The following ABLIM1 variants were observed in gnomAD, a reference collection of about 807,000 sequenced individuals.
The protein encoded by ABLIM1 is actin binding LIM protein 1.
A neutral mutation model predicts 107.0 loss-of-function variants in ABLIM1; 40 were observed. The ratio of observed to expected loss-of-function variants is 0.37; its 90% confidence interval spans 0.29 to 0.49. The LOEUF is 0.49. Ranked by LOEUF, ABLIM1 falls within the 20% of genes least tolerant of loss-of-function variation. The probability of loss-of-function intolerance (pLI) is 0.97; values close to 1 mark genes in which losing one functional copy is unlikely to be tolerated. For missense variants in ABLIM1, 857 were observed against 1,008.5 expected, an observed-to-expected ratio of 0.85 and a Z score of 2.04; for synonymous variants, 357 against 357.3, an observed-to-expected ratio of 1.00 and a Z score of 0.01.
At chr10:114,461,705 G>A (rs1195794153) in intron 12 of ABLIM1, among the ~76,000 whole-genome samples, 1 of 152,028 alleles carries the variant, frequency 6.6e-6, no homozygotes. Context: ...TGTAATCCCA[G>A]CTACTCAGGA....
chr10:114,720,943 A>G (rs2081830877), intron 1 of ABLIM1, among the ~76,000 whole-genome samples: 1 of 152,194 alleles, frequency 6.6e-6, no homozygotes, highest in Non-Finnish European at 1.5e-5. Context: ...GTGGCTTAGA[A>G]CCAAACCCAG....
At chr10:114,790,783 C>T in the ABLIM1 span, among the ~76,000 whole-genome samples, 1 of 152,246 alleles carries the variant, frequency 6.6e-6, no homozygotes, top group Admixed American at 6.5e-5. Flanking sequence ...AATGGACCTA[C>T]TAAATAATAA....
intron 6 of ABLIM1, among the ~76,000 whole-genome samples, chr10:114,541,486 G>A (rs1405421657): frequency 4.0e-5 from 6 of 151,866 alleles, no homozygotes; most frequent in South Asian, 4.2e-4. Context: ...GAGGCCGAGG[G>A]AGGAGTGTGT....
intron 11 of ABLIM1, 79 bp downstream of exon 11, chr10:114,468,102 T>C: frequency 2.3e-6 from 3 of 1,317,006 alleles, no homozygotes; most frequent in Non-Finnish European, 3.3e-6. Context: ...ATGTTCTTTT[T>C]CAAAAATCCC....
At chr10:114,783,259 G>C in the ABLIM1 span, among the ~76,000 whole-genome samples, 1 of 151,782 alleles carries the variant, frequency 6.6e-6, no homozygotes, top group African/African-American at 2.4e-5. Flanking sequence ...GGGCAACAGA[G>C]TGAGACTCCG....
chr10:114,682,335 T>C lies in ABLIM1; in HGVS notation c.64+1955A>G, dbSNP rs557224175. Among the ~76,000 whole-genome samples, 17 of 152,322 alleles carry C rather than the reference T, an allele frequency of 1.1e-4. No individual in the cohort carries two copies. The East Asian group carries it at 2.7e-3, about 24-fold the overall frequency. Reference sequence around the variant, plus strand: ...CTGTGCCAGGAGAGAAAGGACAGGATGATCTTCTCTTACTAAAGAGAGATG... The same window carrying C: ...CTGTGCCAGGAGAGAAAGGACAGGACGATCTTCTCTTACTAAAGAGAGATG... On this transcript the variant is annotated intron_variant, in intron 1 of 23. Coordinates refer to the ABLIM1 transcript ENST00000369256.
intron 1 of ABLIM1, among the ~76,000 whole-genome samples, chr10:114,637,035 TAAAAAA>T (rs3061732): frequency 9.5e-4 from 99 of 104,020 alleles, no homozygotes; most frequent in Non-Finnish European, 1.8e-3. Flanking sequence ...GCTGTCTCTT[TAAAAAA>T]AAAAAAAAAA....
intron 14 of ABLIM1, 59 bp downstream of exon 14, chr10:114,451,565 A>G: frequency 1.3e-6 from 2 of 1,492,884 alleles, no homozygotes; most frequent in Non-Finnish European, 1.9e-6. Context: ...AGAGGACAGC[A>G]AGGAGAAGTT....
the ABLIM1 span, among the ~76,000 whole-genome samples, chr10:114,790,664 C>A: frequency 1.6e-3 from 246 of 152,332 alleles, 1 homozygote; most frequent in Non-Finnish European, 2.5e-3. Context: ...TTATTTTTCT[C>A]TCCAACTTAA....
At chr10:114,760,267 G>C (rs1003274636) in intron 1 of ABLIM1, among the ~76,000 whole-genome samples, 1 of 151,678 alleles carries the variant, frequency 6.6e-6, no homozygotes, top group Non-Finnish European at 1.5e-5. Flanking sequence ...TCAGATATAT[G>C]GTTGCCAGTT....
At chr10:114,655,647 G>C (rs1337951420) in intron 1 of ABLIM1, among the ~76,000 whole-genome samples, 1 of 152,132 alleles carries the variant, frequency 6.6e-6, no homozygotes, top group Admixed American at 6.5e-5. Flanking sequence ...ATGTGGATCT[G>C]ATTTTTGAGG....
At chr10:114,590,948 A>G (rs889643711) in intron 2 of ABLIM1, among the ~76,000 whole-genome samples, 1 of 152,148 alleles carries the variant, frequency 6.6e-6, no homozygotes, top group Non-Finnish European at 1.5e-5. Context: ...ATACCTCTCT[A>G]GACACCATCA....
At chr10:114,493,724 A>G (rs935634635) in intron 6 of ABLIM1, among the ~76,000 whole-genome samples, 2 of 152,256 alleles carry the variant, frequency 1.3e-5, no homozygotes, top group African/African-American at 4.8e-5. Context: ...CAAGATCTAC[A>G]CAAAGCAAAT....
At chr10:114,526,653 G>C (rs1246375267) in intron 6 of ABLIM1, 1 of 985,366 alleles carries the variant, frequency 1.0e-6, no homozygotes, top group African/African-American at 1.7e-5. Context: ...TGCAATGTCC[G>C]CTTTACCTCA....
At chr10:114,749,085 T>C (rs1198518170) in intron 1 of ABLIM1, among the ~76,000 whole-genome samples, 2 of 152,208 alleles carry the variant, frequency 1.3e-5, no homozygotes, top group African/African-American at 2.4e-5. Flanking sequence ...ATTTAATCTA[T>C]ATACCATTCC....
chr10:114,546,359 T>C (rs1378561801), intron 5 of ABLIM1, among the ~76,000 whole-genome samples: 3 of 150,958 alleles, frequency 2.0e-5, no homozygotes, highest in African/African-American at 7.3e-5. Context: ...AGTGGTGCGA[T>C]CTGGGCTCAC....
At chr10:114,612,066 G>T (rs546757375) in intron 1 of ABLIM1, among the ~76,000 whole-genome samples, 1 of 152,152 alleles carries the variant, frequency 6.6e-6, no homozygotes, top group Non-Finnish European at 1.5e-5. Flanking sequence ...GGTGGTAGCG[G>T]AGACAATGTG....
intron 6 of ABLIM1, among the ~76,000 whole-genome samples, chr10:114,509,673 C>A (rs1371942793): frequency 6.6e-6 from 1 of 152,228 alleles, no homozygotes; most frequent in African/African-American, 2.4e-5. Context: ...CCTCTGCAGT[C>A]TGGTCTCAAT....
chr10:114,513,601 GC>G (rs1440113840), intron 6 of ABLIM1, among the ~76,000 whole-genome samples: 1 of 152,098 alleles, frequency 6.6e-6, no homozygotes, highest in African/African-American at 2.4e-5. Context: ...AGCAATCAAA[GC>G]CCAACTTGGT....
Sources: gnomAD v4.1 joint callset for allele counts (sites outside exome capture counted in the v4.1 genomes callset) on GRCh38, gnomAD v4.1.1 for gene constraint, MANE v1.5 for transcripts, NCBI Gene and HGNC (gene_info 2026-07-23, HGNC 2026-07-21) for gene names.